Variants in GRM5 observed in about 807,000 individuals in gnomAD.
The protein encoded by GRM5 is glutamate metabotropic receptor 5.
GRM5 carries 19 observed loss-of-function variants against 83.1 expected under a neutral mutation model. The ratio of observed to expected loss-of-function variants is 0.23; its 90% confidence interval spans 0.16 to 0.34. The LOEUF (loss-of-function observed/expected upper bound fraction) is 0.34. Among genes scored for constraint, GRM5 ranks in the 10% least tolerant of loss-of-function variants. The pLI is 1.00. For synonymous variants in GRM5, 675 were observed against 633.6 expected (o/e 1.07, Z -0.98); for missense variants, 1,160 against 1,588.3 (o/e 0.73, Z 4.58).
chr11:88,696,453 C>A (rs1940904412), intron 3 of GRM5, among the ~76,000 whole-genome samples: 1 of 152,102 alleles, frequency 6.6e-6, no homozygotes, highest in Non-Finnish European at 1.5e-5. Context: ...CCTTCTCTAC[C>A]CAGCACTTCC....
Position 89,048,045 on chromosome 11 carries a change from T to C in GRM5, c.-173A>G, listed in dbSNP as rs1248023595. The C allele has an allele frequency of 1.7e-6, 1 of 594,178 alleles. No homozygotes were observed. The highest frequency in any genetic ancestry group is 1.9e-5 in the African/African-American group (1 of 53,426). The allele number at this position is 594,178 out of a possible 1,614,324, so 36.8% of individuals were successfully genotyped here. A position where few individuals can be genotyped will look rare whatever the true frequency, so the allele number is the denominator to read the frequency against. ...TGTCCCCATGTACCATTTAGTTAGATGATCCATGTGGTCATGATCTTCTAA... is the reference window on the plus strand; with the variant it reads ...TGTCCCCATGTACCATTTAGTTAGACGATCCATGTGGTCATGATCTTCTAA... On this transcript the variant is annotated 5_prime_UTR_variant, in exon 2 of 10. Transcript: ENST00000305447.
At chr11:89,064,246 TAG>T (rs1333727677) in intron 1 of GRM5, among the ~76,000 whole-genome samples, 2 of 152,170 alleles carry the variant, frequency 1.3e-5, no homozygotes, top group Non-Finnish European at 2.9e-5. Context: ...ACCTTAAAAA[TAG>T]CATATGACTT....
intron 7 of GRM5, among the ~76,000 whole-genome samples, chr11:88,586,144 A>G (rs1255902234): frequency 6.6e-6 from 1 of 152,066 alleles, no homozygotes; most frequent in Admixed American, 6.6e-5. Context: ...ACATGTATTT[A>G]TGTGTAAAAA....
intron 4 of GRM5, among the ~76,000 whole-genome samples, chr11:88,641,154 A>G (rs1292952631): frequency 6.6e-6 from 1 of 152,010 alleles, no homozygotes; most frequent in African/African-American, 2.4e-5. Flanking sequence ...CACACACATC[A>G]CATGCCAGAG....
At chr11:88,677,723 A>C (rs775156409) in intron 3 of GRM5, among the ~76,000 whole-genome samples, 1 of 152,150 alleles carries the variant, frequency 6.6e-6, no homozygotes, top group Non-Finnish European at 1.5e-5. Context: ...AAATGTTATA[A>C]GGAGGTGTTA....
chr11:88,630,870 G>A (rs1465228540), intron 4 of GRM5, among the ~76,000 whole-genome samples: 1 of 152,074 alleles, frequency 6.6e-6, no homozygotes, highest in Non-Finnish European at 1.5e-5. Context: ...GAGCCACTGT[G>A]CCCAGCCATT....
chr11:88,621,784 C>T (rs765992649), intron 4 of GRM5, among the ~76,000 whole-genome samples: 11 of 152,094 alleles, frequency 7.2e-5, no homozygotes, highest in Non-Finnish European at 1.2e-4. Flanking sequence ...AAGATTCCAT[C>T]TCTTATAATA....
chr11:89,015,689 A>C (rs1046275706), intron 2 of GRM5, among the ~76,000 whole-genome samples: 1 of 152,202 alleles, frequency 6.6e-6, no homozygotes, highest in East Asian at 1.9e-4. Flanking sequence ...GAAGTGTGCC[A>C]AGTACTTTGG....
chr11:88,570,229 A>G (rs1300602496), intron 7 of GRM5, among the ~76,000 whole-genome samples: 1 of 152,108 alleles, frequency 6.6e-6, no homozygotes, highest in African/African-American at 2.4e-5. Flanking sequence ...AAATGTTTCT[A>G]TGGGAAAATG....
chr11:88,897,206 C>T (rs756441409), intron 2 of GRM5, among the ~76,000 whole-genome samples: 14 of 151,846 alleles, frequency 9.2e-5, no homozygotes, highest in Non-Finnish European at 1.6e-4. Context: ...CTCTGAAACT[C>T]TTAACAGGCA....
chr11:89,040,335 C>G (rs984175569), intron 2 of GRM5, among the ~76,000 whole-genome samples: 14 of 152,016 alleles, frequency 9.2e-5, no homozygotes, highest in Non-Finnish European at 1.5e-4. Flanking sequence ...ACCAGACTTA[C>G]AGAAGAGCCT....
chr11:88,733,333 T>G (rs1241549605), intron 3 of GRM5, among the ~76,000 whole-genome samples: 1 of 152,026 alleles, frequency 6.6e-6, no homozygotes, highest in Non-Finnish European at 1.5e-5. Context: ...TTGGGAAGGT[T>G]CTGGAAATCC....
intron 3 of GRM5, among the ~76,000 whole-genome samples, chr11:88,664,208 C>A (rs1939980310): frequency 6.6e-6 from 1 of 151,492 alleles, no homozygotes; most frequent in Admixed American, 6.6e-5. Flanking sequence ...TTTTTCCTAC[C>A]AAACATTGTC....
At chr11:88,904,664 G>T (rs762768791) in intron 2 of GRM5, among the ~76,000 whole-genome samples, 1 of 152,064 alleles carries the variant, frequency 6.6e-6, no homozygotes, top group Non-Finnish European at 1.5e-5. Flanking sequence ...GATACAATGT[G>T]TATCTTACAT....
intron 2 of GRM5, among the ~76,000 whole-genome samples, chr11:88,909,114 C>T (rs369353857): frequency 6.6e-6 from 1 of 152,008 alleles, no homozygotes; most frequent in Admixed American, 6.6e-5. Context: ...CAGGCAATGC[C>T]CCAACTAAAA....
At chr11:89,050,826 C>T (rs1314332023) in intron 1 of GRM5, among the ~76,000 whole-genome samples, 1 of 152,092 alleles carries the variant, frequency 6.6e-6, no homozygotes. Context: ...GAGCTGGAGG[C>T]CATTAACCTT....
intron 4 of GRM5, among the ~76,000 whole-genome samples, chr11:88,610,145 A>G (rs1427306805): frequency 6.6e-6 from 1 of 152,110 alleles, no homozygotes; most frequent in East Asian, 1.9e-4. Context: ...GCCTGGTAGT[A>G]TAGTTTGAAG....
chr11:88,713,877 T>A (rs1281974686), intron 3 of GRM5, among the ~76,000 whole-genome samples: 1 of 151,884 alleles, frequency 6.6e-6, no homozygotes, highest in African/African-American at 2.4e-5. Context: ...CTTCATGAAA[T>A]TAAGAAGAAA....
chr11:88,968,605 G>A (rs1939068276), intron 2 of GRM5, among the ~76,000 whole-genome samples: 1 of 152,126 alleles, frequency 6.6e-6, no homozygotes, highest in Non-Finnish European at 1.5e-5. Context: ...GAGGCCAGGA[G>A]TTTGGGGCTG....
Sources: gnomAD v4.1 joint callset for allele counts (sites outside exome capture counted in the v4.1 genomes callset) on GRCh38, gnomAD v4.1.1 for gene constraint, MANE v1.5 for transcripts, NCBI Gene and HGNC (gene_info 2026-07-23, HGNC 2026-07-21) for gene names.